The following SH3KBP1 variants were observed in gnomAD, a reference collection of about 807,000 sequenced individuals.
SH3KBP1 encodes SH3 domain containing kinase binding protein 1, also known as SH3 domain-containing kinase-binding protein 1.
A neutral mutation model predicts 50.1 loss-of-function variants in SH3KBP1; 8 were observed. The ratio of observed to expected loss-of-function variants is 0.16; its 90% CI spans 0.09 to 0.29. The LOEUF is 0.29. SH3KBP1 is among the 10% of genes least tolerant of loss of function. The pLI is 1.00. For missense variants in SH3KBP1, 377 were observed against 535.2 expected (o/e 0.70, Z 2.92); for synonymous variants, 227 against 218.6 (o/e 1.04, Z -0.34).
At position 19,697,621 on chromosome X, in the gene SH3KBP1, T is replaced by C. The variant is rs766312198; in HGVS notation, c.391-1880A>G. On this transcript the variant is annotated intron_variant, in intron 4 of 17. Transcript: ENST00000397821. Reference sequence around the variant, plus strand: ...ATGACTAAACATTAGCAATGCAATGTAAACAGATGAGAAAAGACCATGACT... The same window carrying C: ...ATGACTAAACATTAGCAATGCAATGCAAACAGATGAGAAAAGACCATGACT... Among the ~76,000 whole-genome samples, 7 of 112,377 alleles carry C rather than the reference T, an allele frequency of 6.2e-5. 1 individual carries two copies. In the East Asian group the frequency reaches 1.9e-3, roughly 31 times the overall value.
chrX:19,614,777 A>G (rs1404180723), intron 8 of SH3KBP1, among the ~76,000 whole-genome samples: 1 of 112,057 alleles, frequency 8.9e-6, no homozygotes, highest in African/African-American at 3.2e-5. Flanking sequence ...AGAGGTTCCC[A>G]GGTGATGCCA....
intron 2 of SH3KBP1, among the ~76,000 whole-genome samples, chrX:19,803,021 G>A (rs1416569957): frequency 9.0e-6 from 1 of 110,758 alleles, no homozygotes; most frequent in African/African-American, 3.3e-5. Flanking sequence ...TTCCTCCAGC[G>A]ACTTCAGACT....
At chrX:19,562,591 C>T (rs922460881) in intron 13 of SH3KBP1, among the ~76,000 whole-genome samples, 1 of 111,700 alleles carries the variant, frequency 9.0e-6, no homozygotes, top group African/African-American at 3.3e-5. Context: ...CACTAGAATA[C>T]GGTCTCAGCA....
intron 1 of SH3KBP1, among the ~76,000 whole-genome samples, chrX:19,863,202 C>CT (rs760490027): frequency 0.01 from 1,102 of 108,040 alleles, 18 homozygotes; most frequent in African/African-American, 0.033. Flanking sequence ...AGTGTGCTCT[C>CT]TTTTTTTTTT....
intron 2 of SH3KBP1, among the ~76,000 whole-genome samples, chrX:19,780,627 G>T (rs1042586427): frequency 5.2e-4 from 56 of 108,354 alleles, no homozygotes; most frequent in Non-Finnish European, 1.0e-3. Flanking sequence ...TGTATAAGGT[G>T]TAAGGAAGGG....
intron 12 of SH3KBP1, among the ~76,000 whole-genome samples, chrX:19,570,399 A>AG (rs2065972156): frequency 8.9e-6 from 1 of 111,851 alleles, no homozygotes; most frequent in African/African-American, 3.3e-5. Flanking sequence ...AGTGTAGGTG[A>AG]GAGTGCCAGT....
intron 2 of SH3KBP1, among the ~76,000 whole-genome samples, chrX:19,752,803 T>A (rs1419781743): frequency 8.9e-6 from 1 of 112,081 alleles, no homozygotes; most frequent in African/African-American, 3.2e-5. Context: ...TCCTAGGAGG[T>A]CAGACATACA....
intron 1 of SH3KBP1, among the ~76,000 whole-genome samples, chrX:19,877,971 A>C (rs1489436226): frequency 1.8e-5 from 2 of 112,005 alleles, no homozygotes; most frequent in African/African-American, 3.2e-5. Context: ...CCAACTGGAT[A>C]GTATTCCGTT....
intron 12 of SH3KBP1, among the ~76,000 whole-genome samples, chrX:19,577,135 T>C (rs1323317799): frequency 8.9e-6 from 1 of 112,475 alleles, no homozygotes. Flanking sequence ...GCTCAGGGTA[T>C]GCCTTCTAGA....
rs543232337 is a variant in SH3KBP1, at chrX:19,883,212, G to A, written c.4+4095C>T. On this transcript the variant is annotated intron_variant, in intron 1 of 17. Coordinates refer to ENST00000397821, the MANE Select transcript of SH3KBP1 (RefSeq NM_031892.3). ...GGAGGTCTGCTGGAATGAAGCCAGAGAATCTGTATCTCTAACGGGTTGCAG... is the reference window on the plus strand; with the variant it reads ...GGAGGTCTGCTGGAATGAAGCCAGAAAATCTGTATCTCTAACGGGTTGCAG... 3.3e-4 allele frequency among the ~76,000 whole-genome samples: 37 copies of A among 112,498 alleles called. No homozygotes were observed. In the South Asian group the frequency reaches 0.013, roughly 40 times the overall value.
At chrX:19,792,133 C>T (rs760130966) in intron 2 of SH3KBP1, among the ~76,000 whole-genome samples, 1 of 111,711 alleles carries the variant, frequency 9.0e-6, no homozygotes, top group South Asian at 3.7e-4. Context: ...ACGTACACAA[C>T]AGGAGACTAA....
intron 3 of SH3KBP1, among the ~76,000 whole-genome samples, chrX:19,727,711 C>T (rs746763994): frequency 2.7e-5 from 3 of 112,463 alleles, no homozygotes; most frequent in Admixed American, 9.4e-5. Context: ...TTAGGCCGGG[C>T]GTGGTGGCTC....
chrX:19,838,576 C>T (rs1369906125), intron 1 of SH3KBP1, among the ~76,000 whole-genome samples: 2 of 111,757 alleles, frequency 1.8e-5, no homozygotes, highest in Non-Finnish European at 3.8e-5. Flanking sequence ...GTAGACAACA[C>T]GAGGCCAAGT....
At chrX:19,662,211 T>C (rs1488576780) in intron 6 of SH3KBP1, among the ~76,000 whole-genome samples, 1 of 112,037 alleles carries the variant, frequency 8.9e-6, no homozygotes, top group African/African-American at 3.2e-5. Context: ...TTACTACTTA[T>C]AGTTTTTCAC....
chrX:19,857,615 G>A (rs1171888128), intron 1 of SH3KBP1, among the ~76,000 whole-genome samples: 1 of 110,776 alleles, frequency 9.0e-6, no homozygotes, highest in East Asian at 2.9e-4. Context: ...CCAGATACTC[G>A]GGAGGCTGAA....
At chrX:19,691,593 T>G (rs2063295201) in intron 5 of SH3KBP1, among the ~76,000 whole-genome samples, 1 of 109,124 alleles carries the variant, frequency 9.2e-6, no homozygotes. Flanking sequence ...GCTCAGTTGC[T>G]TTAGCAAAAA....
At chrX:19,695,211 A>AC (rs764037321) in intron 5 of SH3KBP1, among the ~76,000 whole-genome samples, 9 of 111,240 alleles carry the variant, frequency 8.1e-5, no homozygotes, top group Admixed American at 7.6e-4. Context: ...ACCACCAGTA[A>AC]TTTTTTTTTC....
At chrX:19,607,737 G>C (rs1049305148) in intron 9 of SH3KBP1, among the ~76,000 whole-genome samples, 1 of 112,164 alleles carries the variant, frequency 8.9e-6, no homozygotes, top group Non-Finnish European at 1.9e-5. Flanking sequence ...AACAACCGCA[G>C]AGTAGAGATC....
chrX:19,870,890 A>G lies in SH3KBP1; in HGVS notation c.4+16417T>C, dbSNP rs201322527. On this transcript the variant is annotated intron_variant, in intron 1 of 17. Transcript: ENST00000397821. ...CACCAAGCAACAACCTCACGGCCGA[A>G]GCACACCGCCGTGTCTCCTGTTACT... 5.4e-5 allele frequency among the ~76,000 whole-genome samples: 6 copies of G among 111,588 alleles called. No homozygotes were observed. The East Asian group carries it at 1.4e-3, about 26-fold the overall frequency.
Sources: gnomAD v4.1 joint callset for allele counts (sites outside exome capture counted in the v4.1 genomes callset) on GRCh38, gnomAD v4.1.1 for gene constraint, MANE v1.5 for transcripts, NCBI Gene and HGNC (gene_info 2026-07-23, HGNC 2026-07-21) for gene names.